CPSF2: variants seen among roughly 807,000 people sequenced by gnomAD.
CPSF2 encodes cleavage and polyadenylation specificity factor subunit 2.
A neutral mutation model predicts 84.2 loss-of-function variants in CPSF2; 51 were observed. The observed-to-expected ratio is 0.61, with a 90% CI of 0.48 to 0.77. CPSF2 has a LOEUF of 0.77. Ranked by LOEUF, CPSF2 falls within the 30% of genes least tolerant of loss-of-function variation. CPSF2 has a pLI of 0.00. For synonymous variants in CPSF2, 286 were observed against 311.9 expected, an observed-to-expected ratio of 0.92 and a Z score of 0.87; for missense variants, 641 against 929.4, an observed-to-expected ratio of 0.69 and a Z score of 4.03.
At chr14:92,129,290 C>T (rs944142062) in intron 2 of CPSF2, among the ~76,000 whole-genome samples, 1 of 152,120 alleles carries the variant, frequency 6.6e-6, no homozygotes, top group African/African-American at 2.4e-5. Context: ...TGAGTATGAT[C>T]ACAGTTCCAG....
Position 92,170,703 on chromosome 14 carries a change from T to C in CPSF2, c.*8959T>C, listed in dbSNP as rs1329185515. On this transcript the variant is annotated 3_prime_UTR_variant, in exon 16 of 16. Transcript: ENST00000298875. Reference sequence around the variant, plus strand: ...GTACTTTGTAGAATGATGTGCACTTTGGGTTTGTCTGATATTTCCTCAAGA... The same window carrying C: ...GTACTTTGTAGAATGATGTGCACTTCGGGTTTGTCTGATATTTCCTCAAGA... 1.3e-5 allele frequency: 2 copies of C among 152,354 alleles called. No individual in the cohort carries two copies. Among genetic ancestry groups the C allele is most frequent in the African/African-American group, 2.4e-5 (1 of 41,588 alleles). 9.4% of individuals were successfully genotyped at this position (152,354 alleles called of 1,614,324 possible).
In CPSF2 at chr14:92,159,175, G is replaced by T. The variant is rs781478731; in HGVS notation, c.2014G>T (p.Val672Phe). 6.2e-7 allele frequency: 1 copy of T among 1,613,866 alleles called. No individual in the cohort carries two copies. The highest frequency in any genetic ancestry group is 8.5e-7 in the Non-Finnish European group (1 of 1,179,936). The change falls in exon 14 of 16, where the codon GTT becomes TTT. Residue 672 changes from valine to phenylalanine, a missense_variant. Val to Phe is a conservative substitution (Grantham distance 50). Coordinates refer to ENST00000298875, the MANE Select transcript of CPSF2 (RefSeq NM_017437.3). The part of the protein sequence containing the change: ...MQVEAPSDSS[V>F]IAQQKAMKSL... ...AGTGGAAGCTCCCTCAGATTCTAGC[G>T]TTATAGCACAACAAAAGGCCATGAA...
intron 7 of CPSF2, among the ~76,000 whole-genome samples, chr14:92,141,374 C>T (rs1030000493): frequency 2.0e-5 from 3 of 152,102 alleles, no homozygotes; most frequent in African/African-American, 7.2e-5. Flanking sequence ...CTCTGTTGTA[C>T]ATGCTGGAGT....
intron 6 of CPSF2, among the ~76,000 whole-genome samples, chr14:92,135,913 G>A (rs1190296031): frequency 3.9e-5 from 6 of 152,168 alleles, no homozygotes; most frequent in Non-Finnish European, 7.3e-5. Flanking sequence ...ACATGTTGTG[G>A]GTGGGACCCG....
Position 92,159,017 on chromosome 14 carries a change from A to G in CPSF2, c.1856A>G (p.Gln619Arg). Residue 619 changes from glutamine (Q) to arginine (R), a missense_variant, in exon 14 of 16, where the codon CAG (glutamine) becomes CGG (arginine). By Grantham distance (43) the Gln-to-Arg change is conservative (BLOSUM62 1). Transcript: ENST00000298875. Reference protein sequence around the residue: ...RLKDSLVSSLQFCKAKDAELA... With the variant: ...RLKDSLVSSLRFCKAKDAELA... Reference sequence around the variant, plus strand: ...AAAGACTCACTTGTCAGCTCTCTTCAGTTTTGTAAGGCAAAAGATGCTGAA... The same window carrying G: ...AAAGACTCACTTGTCAGCTCTCTTCGGTTTTGTAAGGCAAAAGATGCTGAA... The G allele has an allele frequency of 6.2e-7, 1 of 1,613,932 alleles. No homozygotes were observed. The highest frequency in any genetic ancestry group is 8.5e-7 in the Non-Finnish European group (1 of 1,179,910).
intron 9 of CPSF2, among the ~76,000 whole-genome samples, chr14:92,150,496 T>G (rs2069201234): frequency 6.6e-6 from 1 of 151,734 alleles, no homozygotes; most frequent in Non-Finnish European, 1.5e-5. Flanking sequence ...GGCACAATCA[T>G]GGCTCACCAC....
rs375643922 is a variant in CPSF2, at chr14:92,165,965, G to T, written c.*4221G>T. The T allele has an allele frequency of 2.1e-5, 3 of 144,632 alleles. No individual in the cohort carries two copies. The East Asian group carries it at 6.8e-4, about 33-fold the overall frequency. 9.0% of individuals were successfully genotyped at this position (144,632 alleles called of 1,614,324 possible). ...CAACCTCTGCCTCCCAGATTAAAGG[G>T]ATTCTCCTGCCTCAGCCTCCTGAGT... On this transcript the variant is annotated 3_prime_UTR_variant, in exon 16 of 16. Transcript: ENST00000298875.
In CPSF2 at chr14:92,161,790, G is replaced by C; in HGVS notation, c.*46G>C. On this transcript the variant is annotated 3_prime_UTR_variant, in exon 16 of 16. Coordinates refer to ENST00000298875, the MANE Select transcript of CPSF2 (RefSeq NM_017437.3). ...ATCTGCTTGACCTTTCTAAGAAAAA[G>C]GGATTCTTATCTTACTCTGAGCTTT... The C allele has an allele frequency of 9.1e-7, 1 of 1,095,844 alleles. No homozygotes were observed. The highest frequency in any genetic ancestry group is 1.3e-6 in the Non-Finnish European group (1 of 760,974). 67.9% of individuals were successfully genotyped at this position (1,095,844 alleles called of 1,614,324 possible).
Position 92,162,840 on chromosome 14 carries a change from A to G in CPSF2, c.*1096A>G, listed in dbSNP as rs1302372851. ...GAAAACCATGTAAACTATTGAAACT[A>G]TTGTAATCCATTAATGCTTTTTTAG... On this transcript the variant is annotated 3_prime_UTR_variant, in exon 16 of 16. Transcript: ENST00000298875. 1 of 152,186 alleles carries G rather than the reference A, an allele frequency of 6.6e-6. No individual in the cohort carries two copies. Among genetic ancestry groups the G allele is most frequent in the Non-Finnish European group, 1.5e-5 (1 of 68,030 alleles). 9.4% of individuals were successfully genotyped at this position (152,186 alleles called of 1,614,324 possible).
chr14:92,160,848 G>A (rs112729452), intron 14 of CPSF2, among the ~76,000 whole-genome samples: 14 of 152,300 alleles, frequency 9.2e-5, no homozygotes, highest in African/African-American at 3.1e-4. Context: ...ATTACCAAAC[G>A]TCTCTGTTAT....
intron 7 of CPSF2, among the ~76,000 whole-genome samples, chr14:92,140,506 C>T (rs564840514): frequency 4.7e-5 from 7 of 149,206 alleles, no homozygotes; most frequent in African/African-American, 1.7e-4. Flanking sequence ...GATCTCGGCT[C>T]ATTGCAACCT....
chr14:92,161,371 A>G, intron 15 of CPSF2, 125 bp downstream of exon 15: 3 of 1,118,188 alleles, frequency 2.7e-6, no homozygotes, highest in Non-Finnish European at 3.8e-6. Flanking sequence ...ATTCATGATC[A>G]TGACCTCAAA....
chr14:92,131,137 A>G lies in CPSF2; in HGVS notation c.149+4A>G. On this transcript the variant is annotated splice_donor_region_variant and intron_variant, in intron 3 of 15. Coordinates refer to ENST00000298875, the MANE Select transcript of CPSF2 (RefSeq NM_017437.3). ...ATATTATTGATTCCCTGAGGAAGTA[A>G]GTTACATTTCATAATTCTATGTTTT... 1 of 1,594,310 alleles carries G rather than the reference A, an allele frequency of 6.3e-7. No individual in the cohort carries two copies. The highest frequency in any genetic ancestry group is 8.5e-7 in the Non-Finnish European group (1 of 1,170,810).
At chr14:92,123,071 CCT>C (rs2068797996) in intron 1 of CPSF2, among the ~76,000 whole-genome samples, 1 of 152,122 alleles carries the variant, frequency 6.6e-6, no homozygotes, top group Non-Finnish European at 1.5e-5. Flanking sequence ...AACCCAAACT[CCT>C]CTGTTTTCCC....
At chr14:92,161,286 G>A (rs765468995) in intron 15 of CPSF2, 40 bp downstream of exon 15, 34 of 1,546,424 alleles carry the variant, frequency 2.2e-5, no homozygotes, top group Middle Eastern at 1.7e-4. Flanking sequence ...GAACACATAC[G>A]TCTGATGTTT....
intron 3 of CPSF2, among the ~76,000 whole-genome samples, chr14:92,132,990 C>T (rs2068952577): frequency 6.6e-6 from 1 of 152,094 alleles, no homozygotes; most frequent in Non-Finnish European, 1.5e-5. Context: ...ACTCAGGAGG[C>T]TGAGGCAGGA....
chr14:92,141,421 T>C (rs2069076949), intron 7 of CPSF2, among the ~76,000 whole-genome samples: 2 of 152,114 alleles, frequency 1.3e-5, no homozygotes, highest in Non-Finnish European at 2.9e-5. Flanking sequence ...AGCCTCAAAC[T>C]CCTGGGCTCA....
rs1396193951 is a variant in CPSF2, at chr14:92,169,109, A to G, written c.*7365A>G. On this transcript the variant is annotated 3_prime_UTR_variant, in exon 16 of 16. Coordinates refer to ENST00000298875, the MANE Select transcript of CPSF2 (RefSeq NM_017437.3). Reference sequence around the variant, plus strand: ...TTATGTTAAAAACAAAAAGAAGCACATACTGTACAGTCAAAACTATCAGAC... The same window carrying G: ...TTATGTTAAAAACAAAAAGAAGCACGTACTGTACAGTCAAAACTATCAGAC... The G allele has an allele frequency of 3.3e-5, 5 of 152,252 alleles. No individual in the cohort carries two copies. The highest frequency in any genetic ancestry group is 1.5e-5 in the Non-Finnish European group (1 of 67,998). 9.4% of individuals were successfully genotyped at this position (152,252 alleles called of 1,614,324 possible).
chr14:92,133,622 CT>C lies in CPSF2; in HGVS notation c.150-375del, dbSNP rs35567316. On this transcript the variant is annotated intron_variant, in intron 3 of 15. Coordinates refer to ENST00000298875, the MANE Select transcript of CPSF2 (RefSeq NM_017437.3). ...TACAGGCTCATGCCACCACCCCTGGCTTTTTTTTTTTTTTGTATTTTTTATA... is the reference window on the plus strand; with the variant it reads ...TACAGGCTCATGCCACCACCCCTGGCTTTTTTTTTTTTTGTATTTTTTATA... Among the ~76,000 whole-genome samples the C allele has an allele frequency of 3.3e-3, 462 of 139,294 alleles. 4 individuals are homozygous for C. Among genetic ancestry groups the C allele is most frequent in the South Asian group, 0.027 (118 of 4,344 alleles). The allele number at this position is 139,294 out of a possible 152,430, so 91.4% of individuals were successfully genotyped here. A position where few individuals can be genotyped will look rare whatever the true frequency, so the allele number is the denominator to read the frequency against.
Sources: gnomAD v4.1 joint callset for allele counts (sites outside exome capture counted in the v4.1 genomes callset) on GRCh38, gnomAD v4.1.1 for gene constraint, MANE v1.5 for transcripts, NCBI Gene and HGNC (gene_info 2026-07-23, HGNC 2026-07-21) for gene names.